The following FTO variants were observed in gnomAD, a reference collection of about 807,000 sequenced individuals.
FTO encodes alpha-ketoglutarate-dependent dioxygenase FTO.
Under a neutral mutation model 63.9 loss-of-function variants are expected in FTO, and 47 were observed. The ratio of observed to expected loss-of-function variants is 0.74; its 90% confidence interval spans 0.58 to 0.94. FTO has a LOEUF of 0.94. Ranked by LOEUF, FTO falls within the 40% of genes least tolerant of loss-of-function variation. The pLI is 0.00. For synonymous variants in FTO, 207 were observed against 224.4 expected (o/e 0.92, Z 0.69); for missense variants, 562 against 618.1 (o/e 0.91, Z 0.96).
intron 1 of FTO, among the ~76,000 whole-genome samples, chr16:53,750,853 A>G (rs1452588749): frequency 6.6e-6 from 1 of 152,246 alleles, no homozygotes; most frequent in Non-Finnish European, 1.5e-5. Flanking sequence ...TGAATTGCAC[A>G]CAGAACATGG....
chr16:53,805,231 A>G (rs539330730), intron 1 of FTO, among the ~76,000 whole-genome samples: 25 of 152,312 alleles, frequency 1.6e-4, no homozygotes, highest in Non-Finnish European at 3.4e-4. Context: ...GATGAAAAAT[A>G]CACTTCATTT....
chr16:53,747,299 A>G (rs2076672651), intron 1 of FTO, among the ~76,000 whole-genome samples: 1 of 152,186 alleles, frequency 6.6e-6, no homozygotes, highest in Non-Finnish European at 1.5e-5. Context: ...ACTGATTCAC[A>G]TTCCCACCAA....
intron 7 of FTO, among the ~76,000 whole-genome samples, chr16:53,902,295 C>G (rs184899557): frequency 6.6e-6 from 1 of 152,246 alleles, no homozygotes; most frequent in Non-Finnish European, 1.5e-5. Flanking sequence ...TGGAAGGGAC[C>G]TGAGAGGTGA....
At chr16:54,004,530 A>G (rs951584931) in intron 8 of FTO, among the ~76,000 whole-genome samples, 5 of 152,182 alleles carry the variant, frequency 3.3e-5, no homozygotes, top group Admixed American at 6.5e-5. Flanking sequence ...GCTCACCATT[A>G]TTATGAACTA....
chr16:53,715,806 C>T (rs1017313195), intron 1 of FTO, among the ~76,000 whole-genome samples: 8 of 152,142 alleles, frequency 5.3e-5, no homozygotes, highest in Non-Finnish European at 1.0e-4. Flanking sequence ...CAGGTGCCCT[C>T]TTGGCAGTAT....
At chr16:54,067,564 A>G (rs1207388749) in intron 8 of FTO, among the ~76,000 whole-genome samples, 1 of 152,216 alleles carries the variant, frequency 6.6e-6, no homozygotes, top group African/African-American at 2.4e-5. Flanking sequence ...CATAAATTTT[A>G]TGTTGGTTAT....
At chr16:53,789,847 AAAT>A in intron 1 of FTO, among the ~76,000 whole-genome samples, 1 of 148,860 alleles carries the variant, frequency 6.7e-6, no homozygotes, top group Non-Finnish European at 1.5e-5. Context: ...TATTCCAGAC[AAAT>A]TATATAAATG....
At chr16:53,751,503 C>T (rs1247540530) in intron 1 of FTO, among the ~76,000 whole-genome samples, 1 of 152,014 alleles carries the variant, frequency 6.6e-6, no homozygotes, top group Admixed American at 6.6e-5. Context: ...CATGCTACAC[C>T]ATGGACTAAT....
chr16:53,758,807 C>T (rs2076981454), intron 1 of FTO, among the ~76,000 whole-genome samples: 1 of 152,056 alleles, frequency 6.6e-6, no homozygotes, highest in African/African-American at 2.4e-5. Flanking sequence ...AGAGAAAATA[C>T]ACGAAACAGG....
chr16:53,815,803 C>T (rs2078665870), intron 2 of FTO, among the ~76,000 whole-genome samples: 1 of 151,940 alleles, frequency 6.6e-6, no homozygotes. Flanking sequence ...CGCGCGTCAC[C>T]ATGCCTGGCC....
intron 1 of FTO, among the ~76,000 whole-genome samples, chr16:53,718,903 A>G (rs977990747): frequency 6.6e-6 from 1 of 152,174 alleles, no homozygotes; most frequent in African/African-American, 2.4e-5. Flanking sequence ...TTCTTATGGA[A>G]ACCGCAGAGT....
intron 7 of FTO, among the ~76,000 whole-genome samples, chr16:53,906,093 A>G (rs1014903433): frequency 2.0e-5 from 3 of 152,234 alleles, no homozygotes; most frequent in Non-Finnish European, 4.4e-5. Flanking sequence ...AACTTTTTAA[A>G]GACATAAGCA....
At chr16:53,789,095 A>T (rs2151681105) in intron 1 of FTO, among the ~76,000 whole-genome samples, 1 of 152,338 alleles carries the variant, frequency 6.6e-6, no homozygotes, top group South Asian at 2.1e-4. Context: ...TATTCTCTCA[A>T]GTGAGGACTT....
Position 53,818,019 on chromosome 16 carries a change from T to G in FTO, c.123+7802T>G, listed in dbSNP as rs1456828235. On this transcript the variant is annotated intron_variant, in intron 2 of 8. Coordinates refer to ENST00000471389, the MANE Select transcript of FTO (RefSeq NM_001080432.3). ...ATTAAATGAAAAAAAGCCTAACATA[T>G]TTGAAAATCTGCCAACAGCTGTTCC... is the stretch of plus-strand genomic sequence containing the variant. 3.9e-5 allele frequency among the ~76,000 whole-genome samples: 6 copies of G among 152,310 alleles called. No homozygotes were observed. In the East Asian group the frequency reaches 9.6e-4, roughly 24 times the overall value.
chr16:53,954,828 T>C (rs188391575), intron 8 of FTO, among the ~76,000 whole-genome samples: 2 of 151,914 alleles, frequency 1.3e-5, no homozygotes, highest in East Asian at 3.9e-4. Flanking sequence ...CGCTAATGTT[T>C]AAGGAGCCTG....
At chr16:54,111,025 T>C (rs542556648) in intron 8 of FTO, among the ~76,000 whole-genome samples, 19 of 152,330 alleles carry the variant, frequency 1.2e-4, no homozygotes, top group African/African-American at 4.6e-4. Context: ...TTTTTTCCTG[T>C]GAGGCTATAA....
At chr16:53,904,337 G>A (rs1339960821) in intron 7 of FTO, among the ~76,000 whole-genome samples, 2 of 152,280 alleles carry the variant, frequency 1.3e-5, no homozygotes, top group South Asian at 2.1e-4. Context: ...TTGCACTGAG[G>A]TGGGAGCAAC....
At chr16:54,042,136 A>G (rs1003194617) in intron 8 of FTO, among the ~76,000 whole-genome samples, 4 of 151,966 alleles carry the variant, frequency 2.6e-5, no homozygotes, top group African/African-American at 9.7e-5. Context: ...GCTCCGGTCT[A>G]CAGCTCCCAG....
intron 8 of FTO, among the ~76,000 whole-genome samples, chr16:54,093,515 C>T (rs1180776435): frequency 1.3e-5 from 2 of 152,200 alleles, no homozygotes; most frequent in African/African-American, 2.4e-5. Flanking sequence ...TGACTCACCG[C>T]CGAGCTCTGG....
Sources: allele counts gnomAD v4.1 joint callset (sites outside exome capture counted in the v4.1 genomes callset), GRCh38; gene constraint gnomAD v4.1.1; transcripts MANE v1.5; gene names NCBI Gene and HGNC (gene_info 2026-07-23, HGNC 2026-07-21).